Variants in AFF1 observed in about 807,000 individuals in gnomAD.
The protein encoded by AFF1 is AF4/FMR2 family member 1.
AFF1 carries 48 observed loss-of-function variants against 121.7 expected under a neutral mutation model. The ratio of observed to expected loss-of-function variants is 0.39; its 90% CI spans 0.31 to 0.50. AFF1 has a LOEUF of 0.50. AFF1 is among the 20% of genes least tolerant of loss of function. The probability of loss-of-function intolerance (pLI) is 0.76; values close to 1 mark genes in which losing one functional copy is unlikely to be tolerated. For synonymous variants in AFF1, 613 were observed against 563.0 expected (o/e 1.09, Z -1.26); for missense variants, 1,523 against 1,511.7 (o/e 1.01, Z -0.12).
At chr4:87,108,130 T>A (rs779812529) in intron 10 of AFF1, 29 bp from the exon 11 acceptor site, 3 of 1,609,064 alleles carry the variant, frequency 1.9e-6, no homozygotes, top group South Asian at 2.2e-5. Context: ...TATCGTGCCT[T>A]CTAATTTTAT....
At chr4:86,995,157 C>T (rs1192547413) in intron 2 of AFF1, among the ~76,000 whole-genome samples, 1 of 152,146 alleles carries the variant, frequency 6.6e-6, no homozygotes. Flanking sequence ...TGCTTGAGCC[C>T]TGGAGACCGA....
intron 2 of AFF1, among the ~76,000 whole-genome samples, chr4:86,985,207 ATATATAT>A (rs1254313085): frequency 4.0e-4 from 54 of 135,710 alleles, no homozygotes; most frequent in Middle Eastern, 7.3e-3. Flanking sequence ...ATATATATAT[ATATATAT>A]AAAATTATAT....
At chr4:87,045,797 A>G (rs996618776) in intron 2 of AFF1, among the ~76,000 whole-genome samples, 7 of 152,130 alleles carry the variant, frequency 4.6e-5, no homozygotes, top group African/African-American at 1.7e-4. Flanking sequence ...TGCAGATGAA[A>G]AGCTTCCACC....
At chr4:87,041,351 T>C (rs1730126080) in intron 2 of AFF1, among the ~76,000 whole-genome samples, 1 of 152,216 alleles carries the variant, frequency 6.6e-6, no homozygotes, top group African/African-American at 2.4e-5. Context: ...GCTGTTATCA[T>C]TGCTTTTGTA....
At chr4:87,011,501 A>G (rs958752632) in intron 2 of AFF1, among the ~76,000 whole-genome samples, 1 of 152,114 alleles carries the variant, frequency 6.6e-6, no homozygotes, top group Non-Finnish European at 1.5e-5. Context: ...CCCGTCTCTG[A>G]TTTTTGAGCT....
chr4:87,115,721 A>C (rs1281155009), intron 12 of AFF1, among the ~76,000 whole-genome samples: 2 of 146,202 alleles, frequency 1.4e-5, no homozygotes, highest in Non-Finnish European at 3.0e-5. Flanking sequence ...CGATCCTCCT[A>C]CCTCAGCCTC....
chr4:86,971,685 T>A (rs1247432514), intron 2 of AFF1, among the ~76,000 whole-genome samples: 1 of 152,202 alleles, frequency 6.6e-6, no homozygotes, highest in Non-Finnish European at 1.5e-5. Context: ...TACTCTATCT[T>A]TAAGGAGCTT....
intron 5 of AFF1, among the ~76,000 whole-genome samples, chr4:87,084,550 CAATAAATA>C (rs58068934): frequency 0.22 from 29,966 of 136,608 alleles, 3,608 homozygotes; most frequent in African/African-American, 0.29. Context: ...ACTATGTCTC[CAATAAATA>C]AATAAATAAA....
At chr4:87,006,870 C>T in intron 2 of AFF1, 2 of 795,102 alleles carry the variant, frequency 2.5e-6, no homozygotes, top group Non-Finnish European at 3.1e-6. Context: ...CCGCTTGCCG[C>T]CTGCCTTTGG....
chr4:86,951,621 T>G (rs1721333913), intron 2 of AFF1, among the ~76,000 whole-genome samples: 1 of 32,564 alleles, frequency 3.1e-5, no homozygotes, highest in East Asian at 1.6e-3. Flanking sequence ...TTTTCTTTTT[T>G]TCTTTTTTTT....
chr4:86,999,202 G>A lies in AFF1; in HGVS notation c.39-46964G>A, dbSNP rs142291632. 4.1e-3 allele frequency among the ~76,000 whole-genome samples: 621 copies of A among 152,258 alleles called. 2 individuals are homozygous for A. The highest frequency in any genetic ancestry group is 0.014 in the African/African-American group (591 of 41,532). ...TGATCTTCACAGTTAAAAAACACAC[G>A]GTAAAATATGGAATGTTTTAGTTTT... On this transcript the variant is annotated intron_variant, in intron 2 of 20. Transcript: ENST00000395146.
intron 2 of AFF1, among the ~76,000 whole-genome samples, chr4:87,035,493 G>A (rs368932523): frequency 2.0e-5 from 3 of 152,106 alleles, no homozygotes; most frequent in East Asian, 1.9e-4. Flanking sequence ...CCCGGGAGGC[G>A]GAGCTTGCAG....
chr4:87,130,940 A>G, intron 16 of AFF1, 143 bp from the exon 17 acceptor site: 1 of 1,140,770 alleles, frequency 8.8e-7, no homozygotes, highest in Non-Finnish European at 1.2e-6. Flanking sequence ...TTTGGTTATC[A>G]TTTTTAGTTC....
At chr4:86,982,079 T>C (rs1161690807) in intron 2 of AFF1, among the ~76,000 whole-genome samples, 1 of 152,162 alleles carries the variant, frequency 6.6e-6, no homozygotes, top group Non-Finnish European at 1.5e-5. Context: ...ACAGAAGAAA[T>C]AGCTGACTGT....
chr4:87,009,763 T>C (rs1409095264), intron 2 of AFF1, among the ~76,000 whole-genome samples: 3 of 152,238 alleles, frequency 2.0e-5, no homozygotes, highest in Non-Finnish European at 2.9e-5. Flanking sequence ...ACTCTAAAGC[T>C]GGGCCACGTT....
rs576044549 is a variant in AFF1 at position 87,062,780 on chromosome 4, T to C, written c.1059+15186T>C. ...TCTGTAGGGTACAGGTGGGTACTTA[T>C]TTATAACTAGTGGTGAATAAGTATA... On this transcript the variant is annotated intron_variant, in intron 4 of 20. Transcript: ENST00000395146. Among the ~76,000 whole-genome samples, 79 of 152,324 alleles carry C rather than the reference T, an allele frequency of 5.2e-4. 1 individual carries two copies. The highest frequency in any genetic ancestry group is 1.7e-3 in the African/African-American group (69 of 41,562).
At chr4:87,080,788 A>G (rs749476191) in intron 4 of AFF1, among the ~76,000 whole-genome samples, 3 of 152,222 alleles carry the variant, frequency 2.0e-5, no homozygotes, top group Non-Finnish European at 4.4e-5. Context: ...CTGTCCTTGT[A>G]GATCTTTCCC....
At chr4:86,951,815 C>T (rs960351142) in intron 2 of AFF1, among the ~76,000 whole-genome samples, 2 of 151,676 alleles carry the variant, frequency 1.3e-5, no homozygotes, top group African/African-American at 4.8e-5. Flanking sequence ...CGGGTTTCAC[C>T]ATGTTGGCCA....
chr4:86,983,103 T>C (rs1483719815), intron 2 of AFF1, among the ~76,000 whole-genome samples: 1 of 152,080 alleles, frequency 6.6e-6, no homozygotes, highest in African/African-American at 2.4e-5. Context: ...TAGAATACTT[T>C]GTCAGGCCAG....
Sources: gnomAD v4.1 joint callset for allele counts (sites outside exome capture counted in the v4.1 genomes callset) on GRCh38, gnomAD v4.1.1 for gene constraint, MANE v1.5 for transcripts, NCBI Gene and HGNC (gene_info 2026-07-23, HGNC 2026-07-21) for gene names.